PICALM: variants seen among roughly 807,000 people sequenced by gnomAD.
The protein encoded by PICALM is phosphatidylinositol binding clathrin assembly protein, also known as phosphatidylinositol-binding clathrin assembly protein.
In PICALM, 40 loss-of-function variants were observed where a neutral mutation model predicts 80.5. The ratio of observed to expected loss-of-function variants is 0.50; its 90% CI spans 0.39 to 0.65. The LOEUF (loss-of-function observed/expected upper bound fraction) is 0.65. Among genes scored for constraint, PICALM ranks in the 30% least tolerant of loss-of-function variants. PICALM has a pLI of 0.00. For missense variants in PICALM, 676 were observed against 778.9 expected, an observed-to-expected ratio of 0.87 and a Z score of 1.57; for synonymous variants, 288 against 260.3, an observed-to-expected ratio of 1.11 and a Z score of -1.02.
At chr11:86,001,915 C>T (rs1025106432) in intron 9 of PICALM, among the ~76,000 whole-genome samples, 1 of 152,308 alleles carries the variant, frequency 6.6e-6, no homozygotes, top group Admixed American at 6.5e-5. Context: ...CTACCTTGAG[C>T]TTTATTAATT....
rs1198360391 is a variant in PICALM, at chr11:85,959,065, A to G, written c.1945-5T>C. On this transcript the variant is annotated splice_polypyrimidine_tract_variant and splice_region_variant and intron_variant, in intron 19 of 19. Transcript: ENST00000393346. ...ATCAAGTTACATAAACTGTATCTGG[A>G]AAAAAAAAGTGGGTATGTTAATTCA... 4 of 1,519,228 alleles carry G rather than the reference A, an allele frequency of 2.6e-6. No individual in the cohort carries two copies. Among genetic ancestry groups the G allele is most frequent in the Non-Finnish European group, 3.6e-6 (4 of 1,108,632 alleles). 94.1% of individuals were successfully genotyped at this position (1,519,228 alleles called of 1,614,324 possible).
chr11:85,973,398 G>A (rs1454166441), intron 19 of PICALM, among the ~76,000 whole-genome samples: 11 of 152,166 alleles, frequency 7.2e-5, no homozygotes, highest in Non-Finnish European at 1.5e-5. Flanking sequence ...GGTAAGTAGA[G>A]GATATTAAGA....
chr11:86,025,583 G>C (rs1426780598), intron 3 of PICALM, among the ~76,000 whole-genome samples: 3 of 151,458 alleles, frequency 2.0e-5, no homozygotes, highest in African/African-American at 4.9e-5. Flanking sequence ...TTTTGAGACA[G>C]AGTCTAGCTT....
intron 1 of PICALM, among the ~76,000 whole-genome samples, chr11:86,041,891 CAT>C (rs887018949): frequency 2.0e-5 from 3 of 152,124 alleles, no homozygotes; most frequent in Non-Finnish European, 2.9e-5. Flanking sequence ...TATAGAAAAA[CAT>C]ATACTCTTGG....
chr11:85,967,324 C>T (rs765896011), intron 19 of PICALM, among the ~76,000 whole-genome samples: 1 of 152,114 alleles, frequency 6.6e-6, no homozygotes. Flanking sequence ...ACAGGCACCC[C>T]GGACTTTAAG....
At chr11:86,042,878 T>A (rs915752156) in intron 1 of PICALM, among the ~76,000 whole-genome samples, 4 of 152,132 alleles carry the variant, frequency 2.6e-5, no homozygotes, top group African/African-American at 9.7e-5. Flanking sequence ...CAAGTGCAGA[T>A]CAGAGTACTA....
At chr11:85,959,102 G>A (rs753388147) in intron 19 of PICALM, 42 bp from the exon 20 acceptor site, 5 of 1,403,040 alleles carry the variant, frequency 3.6e-6, no homozygotes, top group Non-Finnish European at 5.0e-6. Flanking sequence ...TGTATTGTAG[G>A]ATGTCTTCTC....
chr11:86,045,508 G>A (rs2096056849), intron 1 of PICALM, among the ~76,000 whole-genome samples: 1 of 79,616 alleles, frequency 1.3e-5, no homozygotes, highest in East Asian at 4.0e-4. Context: ...GTGAGACCCT[G>A]TCTTGAAATT....
At chr11:85,987,489 CA>C (rs1228434137) in intron 13 of PICALM, among the ~76,000 whole-genome samples, 1 of 151,616 alleles carries the variant, frequency 6.6e-6, no homozygotes, top group East Asian at 1.9e-4. Context: ...AATATTAGAC[CA>C]AAAAAAGTGA....
chr11:85,973,877 T>C (rs972133024), intron 19 of PICALM, among the ~76,000 whole-genome samples: 3 of 133,318 alleles, frequency 2.3e-5, no homozygotes, highest in East Asian at 2.1e-4. Context: ...GTTCTAACAA[T>C]TGCATATAAT....
At chr11:85,993,050 T>G (rs1247873257) in intron 12 of PICALM, among the ~76,000 whole-genome samples, 1 of 152,158 alleles carries the variant, frequency 6.6e-6, no homozygotes, top group Non-Finnish European at 1.5e-5. Context: ...CTATTTCAAG[T>G]TAACCTATTA....
At chr11:86,029,792 T>C (rs1411985686) in intron 2 of PICALM, among the ~76,000 whole-genome samples, 1 of 152,224 alleles carries the variant, frequency 6.6e-6, no homozygotes, top group Non-Finnish European at 1.5e-5. Flanking sequence ...AACATATTCT[T>C]GCTAAAAGTA....
At chr11:85,987,696 C>T (rs1452955934) in intron 13 of PICALM, among the ~76,000 whole-genome samples, 4 of 152,174 alleles carry the variant, frequency 2.6e-5, no homozygotes, top group Non-Finnish European at 5.9e-5. Context: ...GCCTCAAACT[C>T]CTGGCCTCAA....
At chr11:86,021,495 T>TA (rs199635223) in intron 4 of PICALM, among the ~76,000 whole-genome samples, 21,967 of 133,792 alleles carry the variant, frequency 0.16, 2,104 homozygotes, top group Middle Eastern at 0.25. Flanking sequence ...GGCTACCATT[T>TA]AAGAAAAAAA....
chr11:86,047,581 A>T (rs565942106), intron 1 of PICALM, among the ~76,000 whole-genome samples: 86 of 152,320 alleles, frequency 5.6e-4, no homozygotes, highest in Middle Eastern at 3.4e-3. Context: ...ACACAAAGCA[A>T]TTTTCCAGTC....
chr11:85,982,905 C>T (rs1219959421), intron 14 of PICALM, among the ~76,000 whole-genome samples: 1 of 151,854 alleles, frequency 6.6e-6, no homozygotes, highest in Non-Finnish European at 1.5e-5. Context: ...TCAAACAAAC[C>T]CTCTATGGGA....
At chr11:86,069,351 C>T (rs374044982), upstream of PICALM, 1 of 157,984 alleles carries the variant, frequency 6.3e-6, no homozygotes, top group East Asian at 1.6e-4. Context: ...GAGGCTCGGC[C>T]CGCGGGGTCA....
intron 1 of PICALM, among the ~76,000 whole-genome samples, chr11:86,060,488 C>T (rs1440747681): frequency 6.6e-6 from 1 of 152,132 alleles, no homozygotes; most frequent in African/African-American, 2.4e-5. Context: ...ATCACACACA[C>T]ATCACACAGC....
intron 17 of PICALM, 166 bp from the exon 18 acceptor site, chr11:85,976,848 A>C (rs1439393962): frequency 1.9e-6 from 1 of 531,406 alleles, no homozygotes; most frequent in Non-Finnish European, 3.4e-6. Context: ...AGTGAAAAAA[A>C]GTGTTTTGAA....
Sources: allele counts gnomAD v4.1 joint callset (sites outside exome capture counted in the v4.1 genomes callset), GRCh38; gene constraint gnomAD v4.1.1; transcripts MANE v1.5; gene names NCBI Gene and HGNC (gene_info 2026-07-23, HGNC 2026-07-21).